Variants in ART1 observed in about 807,000 individuals in gnomAD.
The protein encoded by ART1 is GPI-linked NAD(P)(+)--arginine ADP-ribosyltransferase 1.
ART1 carries 29 observed loss-of-function variants against 27.0 expected under a neutral mutation model. The ratio of observed to expected loss-of-function variants is 1.08; its 90% CI spans 0.80 to 1.47. The LOEUF (loss-of-function observed/expected upper bound fraction) is 1.47. Ranked by LOEUF, ART1 falls within the 40% of genes most tolerant of loss-of-function variation. The pLI is 0.00. For synonymous variants in ART1, 201 were observed against 172.2 expected (o/e 1.17, Z -1.31); for missense variants, 480 against 423.0 (o/e 1.13, Z -1.18).
At chr11:3,658,223 C>T (rs1222693692) in intron 1 of ART1, among the ~76,000 whole-genome samples, 2 of 151,690 alleles carry the variant, frequency 1.3e-5, no homozygotes, top group East Asian at 3.9e-4. Flanking sequence ...GTCCCAGCTA[C>T]TCCGGAGGCT....
Position 3,664,194 on chromosome 11 carries a change from T to C in ART1, c.*5T>C. 2 of 1,613,424 alleles carry C rather than the reference T, an allele frequency of 1.2e-6. No homozygotes were observed. The highest frequency in any genetic ancestry group is 1.7e-6 in the Non-Finnish European group (2 of 1,179,814). ...GATGGTCCAGGCCTCCTTTGATGCA[T>C]GAGACACGGGACAGCCTCGCCTGCT... On this transcript the variant is annotated 3_prime_UTR_variant, in exon 5 of 5. Transcript: ENST00000250693.
chr11:3,657,047 T>C (rs1048218655), intron 1 of ART1, among the ~76,000 whole-genome samples: 9 of 152,154 alleles, frequency 5.9e-5, no homozygotes, highest in Non-Finnish European at 1.3e-4. Flanking sequence ...ACACATAGAA[T>C]CCCAGTGTCT....
intron 1 of ART1, among the ~76,000 whole-genome samples, chr11:3,657,537 T>C (rs1463094603): frequency 6.6e-6 from 1 of 152,194 alleles, no homozygotes; most frequent in Non-Finnish European, 1.5e-5. Flanking sequence ...ATTGTGCCAC[T>C]GCACTCCAGC....
intron 1 of ART1, among the ~76,000 whole-genome samples, chr11:3,652,403 C>T (rs1324737756): frequency 1.3e-5 from 2 of 149,196 alleles, no homozygotes. Flanking sequence ...TCAGTGAAAC[C>T]TTTATATCCC....
At chr11:3,645,629 T>G (rs2133943170) in intron 1 of ART1, among the ~76,000 whole-genome samples, 1 of 152,268 alleles carries the variant, frequency 6.6e-6, no homozygotes, top group Admixed American at 6.5e-5. Flanking sequence ...AGAAAGTTCC[T>G]CAGACTCTCA....
intron 1 of ART1, among the ~76,000 whole-genome samples, chr11:3,648,184 C>A (rs2077485550): frequency 1.3e-5 from 2 of 152,144 alleles, no homozygotes; most frequent in Non-Finnish European, 1.5e-5. Flanking sequence ...TATAAAACGG[C>A]CCCACCCTTA....
chr11:3,660,114 G>A lies in ART1; in HGVS notation c.595G>A (p.Gly199Ser), dbSNP rs2077608358. ...GCCCCGGGCCACCGTGAGGCTGGGG[G>A]GCTTTGCTTCTGCCTCCCTGAAGCA... ...AGPRATVRLG[G>S]FASASLKHVA... Residue 199 changes from glycine (G) to serine (S), a missense_variant, in exon 3 of 5, where the codon GGC becomes AGC. Gly to Ser is a moderately conservative substitution (Grantham distance 56). Coordinates refer to ENST00000250693, the MANE Select transcript of ART1 (RefSeq NM_004314.3). 3 of 1,613,740 alleles carry A rather than the reference G, an allele frequency of 1.9e-6. No individual in the cohort carries two copies. Among genetic ancestry groups the A allele is most frequent in the African/African-American group, 2.7e-5 (2 of 74,930 alleles).
chr11:3,645,274 G>A (rs1210882226), intron 1 of ART1, 95 bp downstream of exon 1: 1 of 152,134 alleles, frequency 6.6e-6, no homozygotes, highest in African/African-American at 2.4e-5. Flanking sequence ...TAGGAGTCAT[G>A]AGAAAAAGTT....
chr11:3,658,585 G>A (rs1053765311), intron 1 of ART1, among the ~76,000 whole-genome samples: 3 of 152,022 alleles, frequency 2.0e-5, no homozygotes, highest in Non-Finnish European at 4.4e-5. Context: ...TGGAAGCACC[G>A]AAGGCTCATT....
chr11:3,652,142 C>T (rs189183206), intron 1 of ART1, among the ~76,000 whole-genome samples: 42 of 150,738 alleles, frequency 2.8e-4, no homozygotes, highest in African/African-American at 1.0e-3. Context: ...TTTGCCCCCA[C>T]CCAGGACGGG....
rs537039000 is a variant in ART1, at chr11:3,656,563, G to A, written c.-52-2599G>A. ...ATGCCCAGCTAATTTTTGTATTTTT[G>A]TGGAGATGGGGTTTCACCACGTTGG... On this transcript the variant is annotated intron_variant, in intron 1 of 4. Coordinates refer to ENST00000250693, the MANE Select transcript of ART1 (RefSeq NM_004314.3). Among the ~76,000 whole-genome samples the A allele has an allele frequency of 3.3e-5, 5 of 151,886 alleles. No homozygotes were observed. In the East Asian group the frequency reaches 5.8e-4, roughly 18 times the overall value.
intron 4 of ART1, 149 bp downstream of exon 4, chr11:3,661,562 T>A (rs1043415342): frequency 2.8e-5 from 16 of 570,136 alleles, no homozygotes; most frequent in Non-Finnish European, 4.0e-5. Context: ...TGGCACAATC[T>A]CGGCTCACTG....
Position 3,660,345 on chromosome 11 carries a change from A to C in ART1, c.826A>C (p.Asn276His). 1 of 1,602,176 alleles carries C rather than the reference A, an allele frequency of 6.2e-7. No individual in the cohort carries two copies. Among genetic ancestry groups the C allele is most frequent in the Non-Finnish European group, 8.5e-7 (1 of 1,178,958 alleles). ...AGCCCTGGGCAAGCACAGCACCTAC[A>C]ACTGCGAGTACATCAAAGGTAGGAG... is the stretch of plus-strand genomic sequence containing the variant. ...LRALGKHSTY[N>H]CEYIKDKKCK... The change falls in exon 3 of 5, where the codon AAC (asparagine) becomes CAC (histidine). Residue 276 changes from asparagine (N) to histidine (H), a missense_variant. By Grantham distance (68) the Asn-to-His change is moderately conservative (BLOSUM62 1). Coordinates refer to ENST00000250693, the MANE Select transcript of ART1 (RefSeq NM_004314.3).
At chr11:3,657,385 G>A (rs1019507798) in intron 1 of ART1, among the ~76,000 whole-genome samples, 3 of 152,128 alleles carry the variant, frequency 2.0e-5, no homozygotes, top group South Asian at 4.1e-4. Flanking sequence ...GATCAGCCTG[G>A]GCAACACGGC....
chr11:3,655,371 G>C (rs1248355964), intron 1 of ART1: 1 of 152,208 alleles, frequency 6.6e-6, no homozygotes. Flanking sequence ...TGTTACCACT[G>C]TGATCAACTA....
At chr11:3,645,385 G>C (rs941144978) in intron 1 of ART1, among the ~76,000 whole-genome samples, 7 of 152,138 alleles carry the variant, frequency 4.6e-5, no homozygotes, top group Non-Finnish European at 7.4e-5. Context: ...TCCCAGGAGG[G>C]TATGTTCAGC....
rs779438184 is a variant in ART1 at position 3,659,771 on chromosome 11, C to T, written c.252C>T (p.Ser84=). Residue 84 remains serine, a synonymous_variant, in exon 3 of 5, where the codon AGC becomes AGT. Coordinates refer to ENST00000250693, the MANE Select transcript of ART1 (RefSeq NM_004314.3). ...VYADSWTLAS[S]QWQERQARWP... is the part of the protein sequence containing the mutation. The stretch of plus-strand genomic sequence containing the variant: ...CAGACAGCTGGACACTGGCAAGCAG[C>T]CAATGGCAGGAGCGTCAGGCCAGGT... 3.1e-6 allele frequency: 5 copies of T among 1,613,574 alleles called. No homozygotes were observed. The Admixed American group carries it at 8.3e-5, about 27-fold the overall frequency.
At chr11:3,653,450 C>T (rs2133953704) in intron 1 of ART1, among the ~76,000 whole-genome samples, 1 of 149,290 alleles carries the variant, frequency 6.7e-6, no homozygotes, top group Non-Finnish European at 1.5e-5. Context: ...CCCACTCTGA[C>T]TGCCAGAGAA....
rs1215326285 is a variant in ART1 at position 3,661,370 on chromosome 11, A to C, written c.845-2A>C. ...TCATTCTTTACTGTTTCTTTTCTAT[A>C]GACAAGAAGTGCAAGTCTGGGCCTT... is the stretch of plus-strand genomic sequence containing the variant. On this transcript the variant is annotated splice_acceptor_variant, in intron 3 of 4. Transcript: ENST00000250693. LOFTEE classifies it high-confidence loss of function. 6.2e-7 allele frequency: 1 copy of C among 1,611,604 alleles called. No homozygotes were observed. Among genetic ancestry groups the C allele is most frequent in the Non-Finnish European group, 8.5e-7 (1 of 1,179,330 alleles).
Sources: gnomAD v4.1 joint callset for allele counts (sites outside exome capture counted in the v4.1 genomes callset) on GRCh38, gnomAD v4.1.1 for gene constraint, MANE v1.5 for transcripts, NCBI Gene and HGNC (gene_info 2026-07-23, HGNC 2026-07-21) for gene names.